Variants in RTN1 observed in about 807,000 individuals in gnomAD.
The protein encoded by RTN1 is reticulon 1, also known as reticulon-1.
Under a neutral mutation model 65.5 loss-of-function variants are expected in RTN1, and 25 were observed. The observed-to-expected ratio is 0.38, with a 90% CI of 0.28 to 0.53. The LOEUF (loss-of-function observed/expected upper bound fraction) is 0.53, where lower values mean the gene tolerates loss of function less well. Among genes scored for constraint, RTN1 ranks in the 20% least tolerant of loss-of-function variants. The probability of loss-of-function intolerance (pLI) is 0.79; values close to 1 mark genes in which losing one functional copy is unlikely to be tolerated. For missense variants in RTN1, 983 were observed against 1,025.4 expected, an observed-to-expected ratio of 0.96 and a Z score of 0.57; for synonymous variants, 471 against 447.6, an observed-to-expected ratio of 1.05 and a Z score of -0.66.
At chr14:59,746,985 T>C (rs1210071038) in intron 1 of RTN1, among the ~76,000 whole-genome samples, 1 of 152,174 alleles carries the variant, frequency 6.6e-6, no homozygotes, top group Non-Finnish European at 1.5e-5. Flanking sequence ...TCCAGTCCTT[T>C]CATTCATGGA....
intron 3 of RTN1, among the ~76,000 whole-genome samples, chr14:59,636,505 C>A (rs187246944): frequency 6.6e-6 from 1 of 152,162 alleles, no homozygotes; most frequent in Non-Finnish European, 1.5e-5. Context: ...GCCAATTAAA[C>A]CTTTTTTCTT....
chr14:59,648,914 A>G (rs1253340251), intron 3 of RTN1, among the ~76,000 whole-genome samples: 1 of 152,176 alleles, frequency 6.6e-6, no homozygotes, highest in African/African-American at 2.4e-5. Context: ...CCTATTCAAC[A>G]TAGTATTGGA....
At chr14:59,804,556 C>T (rs1886603005) in intron 1 of RTN1, among the ~76,000 whole-genome samples, 1 of 152,202 alleles carries the variant, frequency 6.6e-6, no homozygotes, top group South Asian at 2.1e-4. Flanking sequence ...TTATAGAATA[C>T]TCACCCATTT....
chr14:59,820,085 A>G (rs1224830388), intron 1 of RTN1, among the ~76,000 whole-genome samples: 1 of 152,200 alleles, frequency 6.6e-6, no homozygotes, highest in Admixed American at 6.5e-5. Flanking sequence ...GGTGCTAGCA[A>G]GTTGTCACCT....
intron 3 of RTN1, among the ~76,000 whole-genome samples, chr14:59,629,505 C>T (rs1185953083): frequency 1.3e-5 from 2 of 152,192 alleles, no homozygotes; most frequent in Admixed American, 6.5e-5. Context: ...TTAAATTAAA[C>T]GCGCCTTCTT....
chr14:59,841,438 A>C (rs1009774028), intron 1 of RTN1, among the ~76,000 whole-genome samples: 1 of 152,108 alleles, frequency 6.6e-6, no homozygotes, highest in Non-Finnish European at 1.5e-5. Flanking sequence ...GCTTACACCT[A>C]TAATCCTAGA....
intron 3 of RTN1, among the ~76,000 whole-genome samples, chr14:59,664,798 C>T (rs1883330591): frequency 6.6e-6 from 1 of 152,108 alleles, no homozygotes; most frequent in South Asian, 2.1e-4. Context: ...CTGCTGTGAA[C>T]ATCTGTGTAT....
At chr14:59,651,119 T>C (rs953457752) in intron 3 of RTN1, among the ~76,000 whole-genome samples, 4 of 152,148 alleles carry the variant, frequency 2.6e-5, no homozygotes, top group African/African-American at 9.7e-5. Flanking sequence ...GGTGTCACGT[T>C]ACTCAACTTC....
intron 3 of RTN1, among the ~76,000 whole-genome samples, chr14:59,665,931 A>C (rs912273865): frequency 9.2e-5 from 14 of 152,192 alleles, no homozygotes; most frequent in South Asian, 8.3e-4. Flanking sequence ...GAGCACCCAG[A>C]TTCATAAAGC....
intron 2 of RTN1, among the ~76,000 whole-genome samples, chr14:59,738,144 AG>A (rs1885038000): frequency 6.6e-6 from 1 of 152,202 alleles, no homozygotes; most frequent in East Asian, 1.9e-4. Flanking sequence ...TTGCAACAAA[AG>A]CTCAAACTGA....
At chr14:59,726,358 A>G (rs1213483319) in intron 3 of RTN1, among the ~76,000 whole-genome samples, 1 of 152,196 alleles carries the variant, frequency 6.6e-6, no homozygotes, top group Non-Finnish European at 1.5e-5. Context: ...TCTGGACCCA[A>G]CTGTGGTCTC....
rs192914594 is a variant in RTN1 at position 59,840,702 on chromosome 14, G to A, written c.241+29688C>T. On this transcript the variant is annotated intron_variant, in intron 1 of 8. Transcript: ENST00000267484. ...ATTCAACATTTTCCCATTGTAATTC[G>A]TCTTTCATGGATGTGCCCTTTTGGG... 4.9e-4 allele frequency among the ~76,000 whole-genome samples: 74 copies of A among 152,026 alleles called. No homozygotes were observed. The South Asian group carries it at 0.014, about 28-fold the overall frequency.
intron 3 of RTN1, among the ~76,000 whole-genome samples, chr14:59,648,531 A>G (rs1882951180): frequency 6.6e-6 from 1 of 152,176 alleles, no homozygotes; most frequent in South Asian, 2.1e-4. Context: ...TGAGGCAAAA[A>G]TCCTCAACAA....
chr14:59,665,613 G>A (rs1287334478), intron 3 of RTN1, among the ~76,000 whole-genome samples: 1 of 152,106 alleles, frequency 6.6e-6, no homozygotes, highest in Non-Finnish European at 1.5e-5. Flanking sequence ...AATGTAAATG[G>A]GCTAAATGCC....
intron 1 of RTN1, among the ~76,000 whole-genome samples, chr14:59,859,133 T>G (rs1007229586): frequency 9.2e-5 from 14 of 152,196 alleles, no homozygotes; most frequent in Middle Eastern, 3.2e-3. Flanking sequence ...TTCATTAGTA[T>G]GTGGTTTATT....
rs1566711031 is a variant in RTN1, at chr14:59,749,184, C to CTATATA, written c.242-2704_242-2703insTATATA. On this transcript the variant is annotated intron_variant, in intron 1 of 8. Coordinates refer to ENST00000267484, the MANE Select transcript of RTN1 (RefSeq NM_021136.3). ...TCTATCTATATATCTATCTATATATCTATCTATATATATCTATATATATAT... is the reference window on the plus strand; with the variant it reads ...TCTATCTATATATCTATCTATATATCTATATATATCTATATATATCTATATATATAT... Among the ~76,000 whole-genome samples, 103 of 60,090 alleles carry CTATATA rather than the reference C, an allele frequency of 1.7e-3. 19 individuals carry two copies. Among genetic ancestry groups the CTATATA allele is most frequent in the African/African-American group, 0.014 (95 of 6,868 alleles). The allele number at this position is 60,090 out of a possible 152,430, so 39.4% of individuals were successfully genotyped here. A position where few individuals can be genotyped will look rare whatever the true frequency, so the allele number is the denominator to read the frequency against.
intron 1 of RTN1, among the ~76,000 whole-genome samples, chr14:59,819,132 G>A (rs1188390807): frequency 1.3e-5 from 2 of 152,036 alleles, no homozygotes; most frequent in Non-Finnish European, 2.9e-5. Context: ...TTGTGGTCTC[G>A]CTGGCTTCAG....
chr14:59,689,734 A>AT (rs60031307), intron 3 of RTN1, among the ~76,000 whole-genome samples: 2,929 of 152,258 alleles, frequency 0.019, 92 homozygotes, highest in African/African-American at 0.067. Flanking sequence ...GGAGAGATAG[A>AT]TTTTTTCCAG....
At chr14:59,817,779 G>A (rs1193328525) in intron 1 of RTN1, among the ~76,000 whole-genome samples, 1 of 152,168 alleles carries the variant, frequency 6.6e-6, no homozygotes, top group Non-Finnish European at 1.5e-5. Context: ...TTTGTTGTCA[G>A]CACATTGCGT....
Sources: allele counts gnomAD v4.1 joint callset (sites outside exome capture counted in the v4.1 genomes callset), GRCh38; gene constraint gnomAD v4.1.1; transcripts MANE v1.5; gene names NCBI Gene and HGNC (gene_info 2026-07-23, HGNC 2026-07-21).